The following GRIP2 variants were observed in gnomAD, a reference collection of about 807,000 sequenced individuals.
GRIP2 encodes glutamate receptor-interacting protein 2.
Under a neutral mutation model 108.3 loss-of-function variants are expected in GRIP2, and 58 were observed. That is an observed-to-expected ratio of 0.54 (90% CI 0.43 to 0.67). The LOEUF is 0.67. Among genes scored for constraint, GRIP2 ranks in the 30% least tolerant of loss-of-function variants. The pLI, the probability that GRIP2 is intolerant of heterozygous loss-of-function variation, is 0.00. For missense variants in GRIP2, 1,278 were observed against 1,430.6 expected (o/e 0.89, Z 1.72); for synonymous variants, 586 against 598.2 (o/e 0.98, Z 0.30).
At chr3:14,529,211 G>A (rs1412663995) in intron 1 of GRIP2, among the ~76,000 whole-genome samples, 2 of 151,336 alleles carry the variant, frequency 1.3e-5, no homozygotes, top group African/African-American at 2.4e-5. Flanking sequence ...CCTGGGAGGC[G>A]GAGGTGGCAG....
the GRIP2 span, among the ~76,000 whole-genome samples, chr3:14,597,628 T>A: frequency 6.6e-6 from 1 of 152,310 alleles, no homozygotes; most frequent in African/African-American, 2.4e-5. Flanking sequence ...TGCAAAGAAA[T>A]CACTTTGATG....
the GRIP2 span, among the ~76,000 whole-genome samples, chr3:14,590,131 T>C: frequency 6.6e-6 from 1 of 152,192 alleles, no homozygotes; most frequent in East Asian, 1.9e-4. Context: ...AAAATTGATA[T>C]TGCATGTGGC....
chr3:14,516,992 A>G, intron 11 of GRIP2, 72 bp downstream of exon 11: 5 of 1,382,416 alleles, frequency 3.6e-6, no homozygotes, highest in Middle Eastern at 1.9e-4. Context: ...TCGCCCTGAC[A>G]TACACCCTTT....
the GRIP2 span, among the ~76,000 whole-genome samples, chr3:14,582,080 C>T: frequency 0.015 from 2,276 of 152,328 alleles, 53 homozygotes; most frequent in African/African-American, 0.052. Context: ...TGTTGCTCCT[C>T]ATATCTCAGG....
chr3:14,560,827 C>A (rs1225303998), upstream of GRIP2, among the ~76,000 whole-genome samples: 1 of 152,202 alleles, frequency 6.6e-6, no homozygotes, highest in Non-Finnish European at 1.5e-5. Flanking sequence ...CCTGACTAAT[C>A]CAGTGTCTTC....
chr3:14,523,463 C>T, intron 5 of GRIP2, 149 bp downstream of exon 5: 2 of 627,206 alleles, frequency 3.2e-6, no homozygotes, highest in South Asian at 4.0e-5. Context: ...CAGATTTTCC[C>T]ACTGAATACT....
At chr3:14,572,608 T>G in the GRIP2 span, among the ~76,000 whole-genome samples, 1 of 1,572 alleles carries the variant, frequency 6.4e-4, no homozygotes. Flanking sequence ...CGAGACTCCG[T>G]CTCAAAAAAA....
chr3:14,505,495 C>A lies in GRIP2; in HGVS notation c.2573+120G>T. 1 of 1,121,066 alleles carries A rather than the reference C, an allele frequency of 8.9e-7. No homozygotes were observed. 69.4% of individuals were successfully genotyped at this position (1,121,066 alleles called of 1,614,324 possible). A position where few individuals can be genotyped will look rare whatever the true frequency, so the allele number is the denominator to read the frequency against. On this transcript the variant is annotated intron_variant, in intron 20 of 23. Transcript: ENST00000621039. The surrounding 1 kb of genome is among the most constrained non-coding windows in gnomAD (Gnocchi z 4.2). ...CTCAGTGCTTCTCTCCCAGGAGGCA[C>A]CCCTCCTCAGGAGCCCGCCAAGACT...
chr3:14,587,439 G>A, the GRIP2 span, among the ~76,000 whole-genome samples: 19 of 151,898 alleles, frequency 1.3e-4, no homozygotes, highest in Non-Finnish European at 2.1e-4. Context: ...GAGACCAGCC[G>A]GGCCAACATA....
chr3:14,579,223 T>C, the GRIP2 span, among the ~76,000 whole-genome samples: 1 of 152,196 alleles, frequency 6.6e-6, no homozygotes, highest in Non-Finnish European at 1.5e-5. Flanking sequence ...TCGGTTTATA[T>C]GAAACTCTTA....
chr3:14,553,136 C>A (rs1695179744), intron 1 of GRIP2, among the ~76,000 whole-genome samples: 2 of 143,630 alleles, frequency 1.4e-5, no homozygotes, highest in African/African-American at 2.6e-5. Flanking sequence ...GAGACGGAGT[C>A]TCGCTCTATC....
At chr3:14,588,912 T>C in the GRIP2 span, among the ~76,000 whole-genome samples, 1 of 152,278 alleles carries the variant, frequency 6.6e-6, no homozygotes, top group South Asian at 2.1e-4. Flanking sequence ...AGGGGCCTCA[T>C]GGCGGGCCCC....
At chr3:14,554,943 A>G (rs1424972820) in intron 1 of GRIP2, among the ~76,000 whole-genome samples, 1 of 152,124 alleles carries the variant, frequency 6.6e-6, no homozygotes, top group Non-Finnish European at 1.5e-5. Context: ...TGACAGCAAG[A>G]TGATTCTTGC....
chr3:14,541,874 C>G (rs778477337), upstream of GRIP2: 11 of 1,329,412 alleles, frequency 8.3e-6, no homozygotes, highest in Non-Finnish European at 1.1e-5. Flanking sequence ...TACACGCACT[C>G]AATTTGGCCA....
the GRIP2 span, among the ~76,000 whole-genome samples, chr3:14,594,246 T>G: frequency 1.3e-5 from 2 of 152,198 alleles, no homozygotes; most frequent in African/African-American, 2.4e-5. Context: ...AACAATTGTC[T>G]CTTTCACAGT....
chr3:14,567,402 T>C, the GRIP2 span, among the ~76,000 whole-genome samples: 1 of 152,178 alleles, frequency 6.6e-6, no homozygotes, highest in East Asian at 1.9e-4. Flanking sequence ...GGACCCTGCA[T>C]GCCTCTGGGC....
At chr3:14,508,753 G>A (rs896593300) in intron 17 of GRIP2, among the ~76,000 whole-genome samples, 1 of 152,132 alleles carries the variant, frequency 6.6e-6, no homozygotes, top group Non-Finnish European at 1.5e-5. Flanking sequence ...GGTGTAACAT[G>A]AAAAAGAATA....
Position 14,512,825 on chromosome 3 carries a change from C to T in GRIP2, c.1672G>A (p.Val558Met), listed in dbSNP as rs149095772. The change falls in exon 14 of 24, where the codon GTG becomes ATG. Residue 558 changes from valine to methionine, a missense_variant. Physicochemically the swap from Val to Met is conservative, Grantham distance 21. Transcript: ENST00000621039. The surrounding 1 kb of genome is among the most constrained non-coding windows in gnomAD (Gnocchi z 5.1). ...SVIPSSGTFH[V>M]KLPKKRSVEL... is the part of the protein sequence containing the mutation. ...ACGCTGCGCTTCTTGGGCAGCTTCA[C>T]GTGGAAGGTGCCACTGCTTGGGATG... The T allele has an allele frequency of 2.4e-4, 391 of 1,613,672 alleles. 3 individuals are homozygous for T. In the East Asian group the frequency reaches 5.2e-3, roughly 22 times the overall value.
the GRIP2 span, among the ~76,000 whole-genome samples, chr3:14,600,931 G>A: frequency 2.6e-5 from 4 of 152,194 alleles, no homozygotes; most frequent in South Asian, 8.3e-4. Flanking sequence ...TTCAGTGTGG[G>A]CAAAGCCATT....
Sources: gnomAD v4.1 joint callset for allele counts (sites outside exome capture counted in the v4.1 genomes callset) on GRCh38, gnomAD v4.1.1 for gene constraint, Gnocchi (gnomAD v3.1) non-coding constraint, MANE v1.5 for transcripts, NCBI Gene and HGNC (gene_info 2026-07-23, HGNC 2026-07-21) for gene names.